CLSTN1: variants seen among roughly 807,000 people sequenced by gnomAD.
CLSTN1 encodes the protein calsyntenin 1.
Under a neutral mutation model 108.3 loss-of-function variants are expected in CLSTN1, and 28 were observed. That is an observed-to-expected ratio of 0.26 (90% CI 0.19 to 0.35). The LOEUF (loss-of-function observed/expected upper bound fraction) is 0.35, where lower values mean the gene tolerates loss of function less well. CLSTN1 is among the 10% of genes least tolerant of loss of function. CLSTN1 has a pLI of 1.00. For synonymous variants in CLSTN1, 524 were observed against 534.9 expected, an observed-to-expected ratio of 0.98 and a Z score of 0.28; for missense variants, 1,157 against 1,302.6, an observed-to-expected ratio of 0.89 and a Z score of 1.72.
At chr1:9,732,309 C>T (rs1028877275) in intron 16 of CLSTN1, among the ~76,000 whole-genome samples, 1 of 152,128 alleles carries the variant, frequency 6.6e-6, no homozygotes, top group African/African-American at 2.4e-5. Flanking sequence ...AGTAATCCTC[C>T]CACCTCAGCC....
At chr1:9,765,499 T>C (rs1249824267) in intron 2 of CLSTN1, among the ~76,000 whole-genome samples, 1 of 150,976 alleles carries the variant, frequency 6.6e-6, no homozygotes, top group East Asian at 1.9e-4. Flanking sequence ...CTGGCCAATA[T>C]GGTGAAACCC....
chr1:9,730,174 T>C lies in CLSTN1; in HGVS notation c.*334A>G. ...CCTTTGTCAACGAGCCCAGCTGGCA[T>C]GGCTTTTCTGGAGTGCGAGGGGCCA... On this transcript the variant is annotated 3_prime_UTR_variant, in exon 19 of 19. Coordinates refer to ENST00000377298, the MANE Select transcript of CLSTN1 (RefSeq NM_001009566.3). The surrounding 1 kb of genome is among the most constrained non-coding windows in gnomAD (Gnocchi z 5.6). 1 of 392,052 alleles carries C rather than the reference T, an allele frequency of 2.6e-6. No individual in the cohort carries two copies. 24.3% of individuals were successfully genotyped at this position (392,052 alleles called of 1,614,324 possible). A position where few individuals can be genotyped will look rare whatever the true frequency, so the allele number is the denominator to read the frequency against.
At chr1:9,800,816 G>A (rs1654232396) in intron 1 of CLSTN1, among the ~76,000 whole-genome samples, 1 of 151,850 alleles carries the variant, frequency 6.6e-6, no homozygotes, top group Non-Finnish European at 1.5e-5. Context: ...GCATGCTCCT[G>A]TAATCCCAGC....
At chr1:9,757,008 G>T (rs1331055208) in intron 2 of CLSTN1, among the ~76,000 whole-genome samples, 2 of 151,776 alleles carry the variant, frequency 1.3e-5, no homozygotes, top group East Asian at 3.9e-4. Context: ...TCGATCTCCT[G>T]ACCTCGTGAT....
intron 1 of CLSTN1, among the ~76,000 whole-genome samples, chr1:9,818,354 G>C (rs955130614): frequency 6.6e-6 from 1 of 151,118 alleles, no homozygotes; most frequent in Non-Finnish European, 1.5e-5. Flanking sequence ...TCCTGAGACT[G>C]AGTCTCACTC....
intron 1 of CLSTN1, among the ~76,000 whole-genome samples, chr1:9,790,305 A>G (rs1156948144): frequency 5.3e-5 from 8 of 151,446 alleles, no homozygotes; most frequent in Non-Finnish European, 1.0e-4. Context: ...AAATTGAGAG[A>G]GAGCCCCTCT....
chr1:9,818,146 T>G (rs1242046722), intron 1 of CLSTN1, among the ~76,000 whole-genome samples: 2 of 151,734 alleles, frequency 1.3e-5, no homozygotes, highest in Non-Finnish European at 2.9e-5. Context: ...TAGCTGGGAC[T>G]ACAGGCATAT....
chr1:9,766,749 AC>A (rs1413842100), intron 2 of CLSTN1, among the ~76,000 whole-genome samples: 1 of 152,258 alleles, frequency 6.6e-6, no homozygotes, highest in African/African-American at 2.4e-5. Flanking sequence ...AAGGCGCAGA[AC>A]AAGAAACTGA....
chr1:9,822,608 C>T (rs59729812), intron 1 of CLSTN1, among the ~76,000 whole-genome samples: 24,819 of 152,126 alleles, frequency 0.16, 3,259 homozygotes, highest in African/African-American at 0.36. Context: ...CTAGATTACT[C>T]TGCTCTAAGG....
intron 9 of CLSTN1, among the ~76,000 whole-genome samples, chr1:9,741,836 C>T (rs375899791): frequency 1.3e-5 from 2 of 152,154 alleles, no homozygotes; most frequent in African/African-American, 2.4e-5. Context: ...TGCTTGAACC[C>T]GGGAGGCAAA....
chr1:9,744,772 C>A (rs539441963), intron 7 of CLSTN1, 129 bp from the exon 8 acceptor site: 4 of 1,149,810 alleles, frequency 3.5e-6, no homozygotes, highest in Non-Finnish European at 4.8e-6. Context: ...TTTTTTCTTT[C>A]GAGACAGAGT....
chr1:9,754,593 C>T (rs942357688), intron 4 of CLSTN1, among the ~76,000 whole-genome samples: 8 of 151,960 alleles, frequency 5.3e-5, no homozygotes, highest in Admixed American at 2.0e-4. Context: ...GTACGGCTCA[C>T]GCCTATAATC....
At chr1:9,785,669 CCTCCCTT>C (rs1303493012) in intron 1 of CLSTN1, among the ~76,000 whole-genome samples, 1 of 152,168 alleles carries the variant, frequency 6.6e-6, no homozygotes, top group Non-Finnish European at 1.5e-5. Flanking sequence ...CCTCCTCCCT[CCTCCCTT>C]GAGAACCACT....
intron 1 of CLSTN1, among the ~76,000 whole-genome samples, chr1:9,782,423 G>A (rs1354316792): frequency 6.6e-6 from 1 of 151,996 alleles, no homozygotes; most frequent in East Asian, 1.9e-4. Context: ...TATTTAATAA[G>A]TTATTAGGTA....
At chr1:9,776,571 T>C (rs550050741) in intron 1 of CLSTN1, among the ~76,000 whole-genome samples, 4 of 152,246 alleles carry the variant, frequency 2.6e-5, no homozygotes, top group East Asian at 1.9e-4. Flanking sequence ...AGCCATTTCT[T>C]ACCTCCTTCC....
chr1:9,774,070 C>G (rs537775814), intron 1 of CLSTN1, among the ~76,000 whole-genome samples: 1 of 151,660 alleles, frequency 6.6e-6, no homozygotes, highest in Non-Finnish European at 1.5e-5. Flanking sequence ...TTTCTTTTTT[C>G]TCTGTTGCCA....
chr1:9,815,186 A>T (rs535036417), intron 1 of CLSTN1, among the ~76,000 whole-genome samples: 1 of 152,330 alleles, frequency 6.6e-6, no homozygotes, highest in South Asian at 2.1e-4. Context: ...TGCCTGCAAA[A>T]ATACAAAGGC....
intron 5 of CLSTN1, chr1:9,750,297 T>C (rs1407711884): frequency 5.4e-6 from 1 of 183,688 alleles, no homozygotes; most frequent in Non-Finnish European, 1.2e-5. Flanking sequence ...GAAAGAGAGA[T>C]TTCCTACCCC....
intron 1 of CLSTN1, among the ~76,000 whole-genome samples, chr1:9,811,728 T>C (rs1654762574): frequency 1.6e-5 from 2 of 124,876 alleles, no homozygotes; most frequent in South Asian, 2.3e-4. Context: ...TTGAAATGCA[T>C]GGCAAAAAAA....
Sources: gnomAD v4.1 joint callset for allele counts (sites outside exome capture counted in the v4.1 genomes callset) on GRCh38, gnomAD v4.1.1 for gene constraint, Gnocchi (gnomAD v3.1) non-coding constraint, MANE v1.5 for transcripts, NCBI Gene and HGNC (gene_info 2026-07-23, HGNC 2026-07-21) for gene names.